The following PBRM1 variants were observed in gnomAD, a reference collection of about 807,000 sequenced individuals.
PBRM1 encodes the protein protein polybromo-1.
In PBRM1, 27 loss-of-function variants were observed where a neutral mutation model predicts 194.5. The ratio of observed to expected loss-of-function variants is 0.14; its 90% CI spans 0.10 to 0.19. The LOEUF is 0.19. Among genes scored for constraint, PBRM1 ranks in the 10% least tolerant of loss-of-function variants. PBRM1 has a pLI of 1.00. For synonymous variants in PBRM1, 655 were observed against 693.2 expected, an observed-to-expected ratio of 0.94 and a Z score of 0.87; for missense variants, 1,466 against 2,077.2, an observed-to-expected ratio of 0.71 and a Z score of 5.72.
At chr3:52,562,806 G>A (rs2083988159) in intron 24 of PBRM1, among the ~76,000 whole-genome samples, 1 of 152,064 alleles carries the variant, frequency 6.6e-6, no homozygotes, top group African/African-American at 2.4e-5. Context: ...CTCCCAAAGT[G>A]CTGGGATTAC....
rs769875714 is a variant in PBRM1, at chr3:52,609,967, T to G, written c.1925-12A>C. ...GCCACTCTTCCTACCTAAAGAGAGA[T>G]ATTTAATGTTAAATGAATAAAATAA... On this transcript the variant is annotated splice_polypyrimidine_tract_variant and intron_variant, in intron 15 of 29. Transcript: ENST00000296302. This position sits in a 1 kb window ranked among gnomAD's most constrained non-coding sequence, Gnocchi z 4.1. 3 of 1,417,452 alleles carry G rather than the reference T, an allele frequency of 2.1e-6. No individual in the cohort carries two copies. Among genetic ancestry groups the G allele is most frequent in the Non-Finnish European group, 2.8e-6 (3 of 1,060,740 alleles). The allele number at this position is 1,417,452 out of a possible 1,614,324, so 87.8% of individuals were successfully genotyped here. A position where few individuals can be genotyped will look rare whatever the true frequency, so the allele number is the denominator to read the frequency against.
intron 17 of PBRM1, among the ~76,000 whole-genome samples, chr3:52,589,461 C>A (rs1218849149): frequency 6.6e-6 from 1 of 152,152 alleles, no homozygotes; most frequent in African/African-American, 2.4e-5. Context: ...TTACAACCAT[C>A]ATTAATTTAA....
At chr3:52,672,149 T>C (rs1425267324) in intron 2 of PBRM1, among the ~76,000 whole-genome samples, 5 of 152,210 alleles carry the variant, frequency 3.3e-5, no homozygotes, top group Admixed American at 6.5e-5. Flanking sequence ...CCTTGCCTTT[T>C]TCAGCTTCTA....
chr3:52,590,172 C>G (rs2092889021), intron 17 of PBRM1, among the ~76,000 whole-genome samples: 1 of 151,938 alleles, frequency 6.6e-6, no homozygotes, highest in Admixed American at 6.6e-5. Flanking sequence ...CCAGTACAGG[C>G]CGGTAGCGGC....
At chr3:52,614,398 A>AAG (rs2094833717) in intron 15 of PBRM1, among the ~76,000 whole-genome samples, 1 of 145,814 alleles carries the variant, frequency 6.9e-6, no homozygotes, top group Non-Finnish European at 1.5e-5. Flanking sequence ...AAAAAAAAAA[A>AAG]GCAAAAAAGC....
intron 22 of PBRM1, among the ~76,000 whole-genome samples, chr3:52,566,480 T>A (rs1193233452): frequency 6.6e-6 from 1 of 152,150 alleles, no homozygotes; most frequent in Non-Finnish European, 1.5e-5. Flanking sequence ...TATACAGCCT[T>A]AGGAATAAAA....
intron 8 of PBRM1, among the ~76,000 whole-genome samples, chr3:52,643,672 G>A (rs2096194010): frequency 1.3e-5 from 2 of 152,146 alleles, no homozygotes; most frequent in African/African-American, 4.8e-5. Context: ...ACTAAGACTA[G>A]TTCAAGATCA....
At chr3:52,654,033 A>G (rs765835029) in intron 5 of PBRM1, among the ~76,000 whole-genome samples, 2 of 152,088 alleles carry the variant, frequency 1.3e-5, no homozygotes, top group Non-Finnish European at 2.9e-5. Flanking sequence ...AGAATCACTC[A>G]CTGCACTCAG....
chr3:52,643,198 T>C lies in PBRM1; in HGVS notation c.995+50A>G, dbSNP rs761591171. 6.1e-6 allele frequency: 8 copies of C among 1,312,966 alleles called. No homozygotes were observed. The South Asian group carries it at 9.4e-5, about 15-fold the overall frequency. The allele number at this position is 1,312,966 out of a possible 1,614,324, so 81.3% of individuals were successfully genotyped here. On this transcript the variant is annotated intron_variant, in intron 9 of 29. Coordinates refer to ENST00000296302, the Ensembl canonical transcript of PBRM1. ...GCCATTGGGCAAATACTAGTATGCC[T>C]ATCTTTATAAGCACAGGTCAACTCT...
intron 5 of PBRM1, among the ~76,000 whole-genome samples, chr3:52,657,213 A>G (rs1211097850): frequency 6.6e-6 from 1 of 152,194 alleles, no homozygotes; most frequent in Non-Finnish European, 1.5e-5. Flanking sequence ...AGTTCCAGAT[A>G]GTGGTGATGG....
At chr3:52,645,718 G>C (rs1483128919) in intron 7 of PBRM1, among the ~76,000 whole-genome samples, 1 of 152,116 alleles carries the variant, frequency 6.6e-6, no homozygotes, top group Non-Finnish European at 1.5e-5. Context: ...GGCAGGTGGT[G>C]TATATAGTGT....
intron 26 of PBRM1, among the ~76,000 whole-genome samples, chr3:52,555,486 C>G (rs1382690264): frequency 6.6e-6 from 1 of 152,162 alleles, no homozygotes; most frequent in Non-Finnish European, 1.5e-5. Flanking sequence ...CTTCTAAGAA[C>G]CATCACAGTG....
At chr3:52,635,086 C>T (rs1429496323) in intron 10 of PBRM1, among the ~76,000 whole-genome samples, 1 of 152,016 alleles carries the variant, frequency 6.6e-6, no homozygotes, top group Non-Finnish European at 1.5e-5. Flanking sequence ...CCATCACACC[C>T]AGCTAATTTT....
intron 29 of PBRM1, among the ~76,000 whole-genome samples, chr3:52,549,974 T>C (rs920130520): frequency 2.0e-5 from 3 of 151,578 alleles, no homozygotes; most frequent in African/African-American, 7.3e-5. Flanking sequence ...TCCCAGCACT[T>C]TGAGAGGCCG....
intron 10 of PBRM1, 146 bp downstream of exon 11, chr3:52,641,808 C>A: frequency 1.4e-6 from 1 of 720,534 alleles, no homozygotes; most frequent in South Asian, 1.5e-5. Flanking sequence ...TTTGATAGGT[C>A]TGACTACCAG....
In PBRM1 at chr3:52,648,263, AGTT is replaced by A. The variant is rs559228138; in HGVS notation, c.813+78_813+80del. 2.9e-4 allele frequency: 232 copies of A among 795,342 alleles called. 1 individual carries two copies. The African/African-American group carries it at 3.4e-3, about 12-fold the overall frequency. 49.3% of individuals were successfully genotyped at this position (795,342 alleles called of 1,614,324 possible). On this transcript the variant is annotated intron_variant, in intron 7 of 29. Transcript: ENST00000296302. ...TGGTATGTGAATTATATCTCAATAA[AGTT>A]GTTTTATAAAAATTACTGACCTTAA...
chr3:52,651,347 T>G (rs1310021896), intron 6 of PBRM1, among the ~76,000 whole-genome samples: 1 of 152,166 alleles, frequency 6.6e-6, no homozygotes, highest in Non-Finnish European at 1.5e-5. Context: ...TAAAGCTATT[T>G]GGAAGCAGAT....
chr3:52,595,590 G>A (rs143051598), intron 17 of PBRM1, among the ~76,000 whole-genome samples: 156 of 152,260 alleles, frequency 1.0e-3, no homozygotes, highest in Non-Finnish European at 1.7e-3. Flanking sequence ...ATTGTGAGAT[G>A]GTTAGTTTGC....
intron 18 of PBRM1, 121 bp downstream of exon 20, chr3:52,588,939 TTATTGACATA>T: frequency 1.5e-6 from 1 of 661,054 alleles, no homozygotes; most frequent in East Asian, 2.7e-5. Context: ...TTACTTACAT[TTATTGACATA>T]TTGAACAATT....
Sources: allele counts gnomAD v4.1 joint callset (sites outside exome capture counted in the v4.1 genomes callset), GRCh38; gene constraint gnomAD v4.1.1; non-coding constraint Gnocchi (gnomAD v3.1); transcripts MANE v1.5; gene names NCBI Gene and HGNC (gene_info 2026-07-23, HGNC 2026-07-21).